TRPC1: variants seen among roughly 807,000 people sequenced by gnomAD.
The protein encoded by TRPC1 is transient receptor potential cation channel subfamily C member 1.
Under a neutral mutation model 88.2 loss-of-function variants are expected in TRPC1, and 42 were observed. The observed-to-expected ratio is 0.48, with a 90% CI of 0.37 to 0.62. The LOEUF is 0.62. Among genes scored for constraint, TRPC1 ranks in the 20% least tolerant of loss-of-function variants. TRPC1 has a pLI of 0.00. For missense variants in TRPC1, 699 were observed against 957.3 expected, an observed-to-expected ratio of 0.73 and a Z score of 3.56; for synonymous variants, 288 against 331.8, an observed-to-expected ratio of 0.87 and a Z score of 1.43.
intron 3 of TRPC1, among the ~76,000 whole-genome samples, chr3:142,745,812 CAAT>C (rs1934528080): frequency 6.6e-6 from 1 of 152,028 alleles, no homozygotes; most frequent in South Asian, 2.1e-4. Flanking sequence ...GGCTGCAGTG[CAAT>C]GGCGTGATCT....
At chr3:142,779,071 T>C (rs544064254) in intron 5 of TRPC1, among the ~76,000 whole-genome samples, 1 of 152,206 alleles carries the variant, frequency 6.6e-6, no homozygotes, top group Non-Finnish European at 1.5e-5. Flanking sequence ...GTCTGAGTTA[T>C]ATAAAATAAA....
chr3:142,765,716 T>G (rs1935361762), intron 4 of TRPC1, among the ~76,000 whole-genome samples: 1 of 151,896 alleles, frequency 6.6e-6, no homozygotes, highest in Non-Finnish European at 1.5e-5. Flanking sequence ...AAACAAAAAT[T>G]GACAAGTGGG....
At chr3:142,759,928 C>G (rs994011518) in intron 4 of TRPC1, among the ~76,000 whole-genome samples, 2 of 152,162 alleles carry the variant, frequency 1.3e-5, no homozygotes, top group Admixed American at 6.5e-5. Flanking sequence ...GATCTCGGCT[C>G]ACTGCAAGCT....
intron 10 of TRPC1, 126 bp from the exon 11 acceptor site, chr3:142,803,851 T>A: frequency 1.0e-6 from 1 of 986,102 alleles, no homozygotes; most frequent in Non-Finnish European, 1.5e-6. Context: ...GTCAACATCA[T>A]TTTTAAATAA....
At chr3:142,761,640 T>G (rs935147629) in intron 4 of TRPC1, among the ~76,000 whole-genome samples, 2 of 152,110 alleles carry the variant, frequency 1.3e-5, no homozygotes, top group Non-Finnish European at 2.9e-5. Context: ...AGAGTTTGAG[T>G]AAGGTTGGTA....
In TRPC1 at chr3:142,724,383, G is replaced by A; in HGVS notation, c.-177G>A. On this transcript the variant is annotated 5_prime_UTR_variant, in exon 1 of 13. Coordinates refer to ENST00000476941, the MANE Select transcript of TRPC1 (RefSeq NM_001251845.2). This position sits in a 1 kb window ranked among gnomAD's most constrained non-coding sequence, Gnocchi z 5.6. ...CAACTTGGGGCTGTCAGTGGAGGGC[G>A]AGTGCTGGTTCTCAGGGGAGGCGAC... The A allele has an allele frequency of 2.0e-6, 1 of 492,986 alleles. No individual in the cohort carries two copies. Among genetic ancestry groups the A allele is most frequent in the Non-Finnish European group, 3.4e-6 (1 of 295,626 alleles). The allele number at this position is 492,986 out of a possible 1,614,324, so 30.5% of individuals were successfully genotyped here.
intron 1 of TRPC1, among the ~76,000 whole-genome samples, chr3:142,727,348 G>A (rs934253728): frequency 2.6e-5 from 4 of 152,118 alleles, no homozygotes; most frequent in African/African-American, 9.7e-5. Context: ...AAAAATTGAG[G>A]AATTCCTAAA....
intron 8 of TRPC1, among the ~76,000 whole-genome samples, chr3:142,791,670 A>G (rs1435469832): frequency 6.6e-6 from 1 of 152,062 alleles, no homozygotes; most frequent in Admixed American, 6.6e-5. Context: ...TTAGTGTTAG[A>G]TATCTTTATA....
At chr3:142,770,388 T>G (rs1935537101) in intron 4 of TRPC1, among the ~76,000 whole-genome samples, 1 of 152,330 alleles carries the variant, frequency 6.6e-6, no homozygotes, top group East Asian at 1.9e-4. Flanking sequence ...TGAGCCGCTG[T>G]GCCCAGCCAT....
intron 7 of TRPC1, among the ~76,000 whole-genome samples, chr3:142,789,755 G>A (rs557578022): frequency 6.6e-6 from 1 of 152,220 alleles, no homozygotes; most frequent in Admixed American, 6.5e-5. Context: ...TTATAGAGGA[G>A]CTTCTGGCCA....
intron 9 of TRPC1, chr3:142,793,896 T>C (rs1936371336): frequency 4.1e-6 from 4 of 985,330 alleles, no homozygotes; most frequent in Non-Finnish European, 4.8e-6. Flanking sequence ...TGTGCTGTCA[T>C]CCAGCAACAG....
Position 142,724,706 on chromosome 3 carries a change from G to T in TRPC1, c.147G>T (p.Lys49Asn). The T allele has an allele frequency of 6.2e-7, 1 of 1,600,358 alleles. No homozygotes were observed. The highest frequency in any genetic ancestry group is 8.5e-7 in the Non-Finnish European group (1 of 1,171,392). Residue 49 changes from lysine (K) to asparagine (N), a missense_variant, in exon 1 of 13, where the codon AAG becomes AAT. Transcript: ENST00000476941. This position sits in a 1 kb window ranked among gnomAD's most constrained non-coding sequence, Gnocchi z 5.6. The part of the protein sequence containing the change: ...EVKEENTLNE[K>N]LFLLACDKGD... ...AGGAGGAGAATACGCTGAATGAGAA[G>T]CTTTTCTTGCTGGCGTGCGACAAGG...
In TRPC1 at chr3:142,799,895, A is replaced by G. The variant is rs545164547; in HGVS notation, c.1582-2274A>G. ...TTACCTTGATATTGAACTCGATTAC[A>G]TTTATTTAAAACTTAGGTTAAATTA... On this transcript the variant is annotated intron_variant, in intron 9 of 12. Coordinates refer to ENST00000476941, the MANE Select transcript of TRPC1 (RefSeq NM_001251845.2). Among the ~76,000 whole-genome samples the G allele has an allele frequency of 3.6e-3, 543 of 152,288 alleles. 1 individual carries two copies. Among genetic ancestry groups the G allele is most frequent in the South Asian group, 6.4e-3 (31 of 4,822 alleles).
rs369498826 is a variant in TRPC1, at chr3:142,767,327, T to G, written c.633-10305T>G. ...TTTCCCATTTTTAAATTAGTTGCTT[T>G]CTTATGGTTGAGTTTTTAAAATATT... On this transcript the variant is annotated intron_variant, in intron 4 of 12. Transcript: ENST00000476941. The surrounding 1 kb of genome is among the most constrained non-coding windows in gnomAD (Gnocchi z 5.1). Among the ~76,000 whole-genome samples the G allele has an allele frequency of 6.6e-6, 1 of 151,996 alleles. No individual in the cohort carries two copies. The highest frequency in any genetic ancestry group is 2.1e-4 in the South Asian group (1 of 4,828).
intron 4 of TRPC1, among the ~76,000 whole-genome samples, chr3:142,763,981 T>TATATATATATATAC (rs1162744315): frequency 9.6e-5 from 6 of 62,624 alleles, no homozygotes; most frequent in Non-Finnish European, 1.4e-4. Context: ...TATATATATA[T>TATATATATATATAC]ATACACATAC....
At chr3:142,787,438 TG>T (rs1936167976) in intron 7 of TRPC1, among the ~76,000 whole-genome samples, 2 of 152,180 alleles carry the variant, frequency 1.3e-5, no homozygotes, top group Non-Finnish European at 2.9e-5. Flanking sequence ...TTGTTTTGTT[TG>T]CTTTCATTAG....
At chr3:142,743,109 C>A (rs1375904855) in intron 2 of TRPC1, among the ~76,000 whole-genome samples, 3 of 152,028 alleles carry the variant, frequency 2.0e-5, no homozygotes, top group Non-Finnish European at 4.4e-5. Flanking sequence ...TAGTTCTTGA[C>A]AGTTTCTTTT....
intron 10 of TRPC1, among the ~76,000 whole-genome samples, 172 bp downstream of exon 10, chr3:142,802,516 C>T (rs937934074): frequency 3.9e-5 from 6 of 152,034 alleles, no homozygotes; most frequent in African/African-American, 1.4e-4. Flanking sequence ...GTCATCTTTA[C>T]ATACAGCATC....
chr3:142,734,718 G>T (rs1934055320), intron 1 of TRPC1, among the ~76,000 whole-genome samples: 2 of 152,006 alleles, frequency 1.3e-5, no homozygotes, highest in African/African-American at 4.8e-5. Context: ...CGAGAGGATT[G>T]CTTGAGGCCA....
Sources: gnomAD v4.1 joint callset for allele counts (sites outside exome capture counted in the v4.1 genomes callset) on GRCh38, gnomAD v4.1.1 for gene constraint, Gnocchi (gnomAD v3.1) non-coding constraint, MANE v1.5 for transcripts, NCBI Gene and HGNC (gene_info 2026-07-23, HGNC 2026-07-21) for gene names.